CORIN: variants seen among roughly 807,000 people sequenced by gnomAD.
The protein encoded by CORIN is atrial natriuretic peptide-converting enzyme.
A neutral mutation model predicts 125.3 loss-of-function variants in CORIN; 117 were observed. That is an observed-to-expected ratio of 0.93 (90% CI 0.80 to 1.09). CORIN has a LOEUF of 1.09. Among genes scored for constraint, CORIN ranks in the 50% least tolerant of loss-of-function variants. The pLI, the probability that CORIN is intolerant of heterozygous loss-of-function variation, is 0.00. For missense variants in CORIN, 1,253 were observed against 1,306.7 expected (o/e 0.96, Z 0.63); for synonymous variants, 450 against 466.4 (o/e 0.96, Z 0.45).
chr4:47,771,439 C>T (rs550648121), intron 3 of CORIN, among the ~76,000 whole-genome samples: 9 of 152,172 alleles, frequency 5.9e-5, no homozygotes, highest in Non-Finnish European at 4.4e-5. Flanking sequence ...TTTAAGCTTT[C>T]GTTTTTAACT....
chr4:47,609,527 A>G (rs908614680), intron 19 of CORIN, among the ~76,000 whole-genome samples: 2 of 152,196 alleles, frequency 1.3e-5, no homozygotes, highest in Non-Finnish European at 1.5e-5. Flanking sequence ...GGTGTGAGCC[A>G]CCGCACCCGG....
intron 10 of CORIN, among the ~76,000 whole-genome samples, chr4:47,665,791 T>TG (rs1724452908): frequency 6.6e-6 from 1 of 152,214 alleles, no homozygotes; most frequent in Non-Finnish European, 1.5e-5. Context: ...TACTTCTCAC[T>TG]AATAAGACAA....
At chr4:47,746,362 T>A (rs192081737) in intron 4 of CORIN, among the ~76,000 whole-genome samples, 1 of 152,088 alleles carries the variant, frequency 6.6e-6, no homozygotes, top group African/African-American at 2.4e-5. Context: ...TAATCCCCAA[T>A]ATACAAATAA....
At chr4:47,710,510 G>A (rs770580972) in intron 5 of CORIN, among the ~76,000 whole-genome samples, 16 of 152,232 alleles carry the variant, frequency 1.1e-4, no homozygotes, top group Admixed American at 5.9e-4. Context: ...AGGCTAAAGC[G>A]TTAATATTTG....
At chr4:47,673,331 G>A (rs574299131) in intron 10 of CORIN, among the ~76,000 whole-genome samples, 44 of 151,260 alleles carry the variant, frequency 2.9e-4, no homozygotes, top group African/African-American at 9.5e-4. Context: ...AGCCGATATC[G>A]TGCCACTGCA....
At chr4:47,764,672 T>G (rs1343800915) in intron 3 of CORIN, among the ~76,000 whole-genome samples, 1 of 152,188 alleles carries the variant, frequency 6.6e-6, no homozygotes, top group East Asian at 1.9e-4. Context: ...CTGAAACCTA[T>G]GTCTTCTGAG....
chr4:47,603,380 C>A lies in CORIN; in HGVS notation c.2812+17G>T. On this transcript the variant is annotated intron_variant, in intron 20 of 21. Coordinates refer to ENST00000273857, the MANE Select transcript of CORIN (RefSeq NM_006587.4). ...GTGCTTATAGCAGCATGAGAATGGA[C>A]TAATACACTGGCTTACTTTTATTGC... 6.2e-7 allele frequency: 1 copy of A among 1,611,706 alleles called. No individual in the cohort carries two copies. The highest frequency in any genetic ancestry group is 2.2e-5 in the East Asian group (1 of 44,868).
chr4:47,742,485 A>T (rs894888192), intron 5 of CORIN, among the ~76,000 whole-genome samples: 7 of 152,024 alleles, frequency 4.6e-5, no homozygotes, highest in African/African-American at 1.7e-4. Context: ...AAAAATATAT[A>T]ATTTACAATA....
intron 5 of CORIN, chr4:47,706,574 G>T: frequency 2.5e-6 from 4 of 1,607,550 alleles, no homozygotes; most frequent in East Asian, 2.2e-5. Flanking sequence ...TGTGTTAGCC[G>T]TGGTGGCCGA....
chr4:47,791,066 A>C (rs1731056686), intron 2 of CORIN, among the ~76,000 whole-genome samples: 2 of 152,308 alleles, frequency 1.3e-5, no homozygotes, highest in Middle Eastern at 3.4e-3. Context: ...GAACCTGTGA[A>C]TATTCTGCTT....
At chr4:47,822,820 CTT>C (rs1359423811) in intron 1 of CORIN, among the ~76,000 whole-genome samples, 18 of 142,614 alleles carry the variant, frequency 1.3e-4, no homozygotes, top group Non-Finnish European at 1.1e-4. Context: ...CTTTCCATTT[CTT>C]TTTTTTTTTT....
intron 19 of CORIN, among the ~76,000 whole-genome samples, chr4:47,612,467 G>T (rs1418756573): frequency 6.6e-6 from 1 of 152,096 alleles, no homozygotes; most frequent in East Asian, 1.9e-4. Flanking sequence ...TGGCAGCCTG[G>T]ATGTCTCATT....
chr4:47,725,069 C>T (rs1727526020), intron 5 of CORIN, among the ~76,000 whole-genome samples: 1 of 152,092 alleles, frequency 6.6e-6, no homozygotes, highest in Admixed American at 6.5e-5. Context: ...AAGTATCTAA[C>T]AAAATACGTG....
chr4:47,806,943 A>G lies in CORIN; in HGVS notation c.168T>C (p.Cys56=). Residue 56 remains cysteine, a synonymous_variant, in exon 2 of 22, where the codon TGT becomes TGC. Coordinates refer to ENST00000273857, the MANE Select transcript of CORIN (RefSeq NM_006587.4). ...GGATCACCAGCAAGAGAACGAGAGC[A>G]CAGATACATGGAATCAGGACCAGCA... ...FLLLVLIPCI[C]ALVLLLVILL... 1 of 1,613,934 alleles carries G rather than the reference A, an allele frequency of 6.2e-7. No homozygotes were observed. The highest frequency in any genetic ancestry group is 8.5e-7 in the Non-Finnish European group (1 of 1,179,852).
At chr4:47,768,609 T>G (rs767141651) in intron 3 of CORIN, among the ~76,000 whole-genome samples, 1 of 152,080 alleles carries the variant, frequency 6.6e-6, no homozygotes, top group Non-Finnish European at 1.5e-5. Context: ...CAACAGCACA[T>G]TAAAAAGATC....
At chr4:47,744,636 T>G in intron 4 of CORIN, 53 bp from the exon 5 acceptor site, 1 of 1,479,192 alleles carries the variant, frequency 6.8e-7, no homozygotes, top group Non-Finnish European at 9.1e-7. Context: ...AGAATAGGTT[T>G]TGAAATAATA....
chr4:47,620,463 T>C (rs10017276), intron 19 of CORIN, among the ~76,000 whole-genome samples: 40,953 of 152,194 alleles, frequency 0.27, 5,653 homozygotes, highest in Admixed American at 0.35. Flanking sequence ...AACTAACAAA[T>C]GGAATTATAG....
intron 3 of CORIN, among the ~76,000 whole-genome samples, chr4:47,773,097 C>T (rs1334193471): frequency 2.0e-5 from 3 of 151,978 alleles, no homozygotes; most frequent in African/African-American, 7.3e-5. Context: ...TACAAAGGCA[C>T]TTAGTGCTAT....
chr4:47,758,226 T>C (rs1179525188), intron 4 of CORIN, among the ~76,000 whole-genome samples: 1 of 151,980 alleles, frequency 6.6e-6, no homozygotes, highest in East Asian at 1.9e-4. Context: ...AAAATATATT[T>C]TAAAAACCCA....
Sources: gnomAD v4.1 joint callset for allele counts (sites outside exome capture counted in the v4.1 genomes callset) on GRCh38, gnomAD v4.1.1 for gene constraint, MANE v1.5 for transcripts, NCBI Gene and HGNC (gene_info 2026-07-23, HGNC 2026-07-21) for gene names.